Variants in UBLCP1 observed in about 807,000 individuals in gnomAD.
UBLCP1 encodes the protein ubiquitin-like domain-containing CTD phosphatase 1.
In UBLCP1, 28 loss-of-function variants were observed where a neutral mutation model predicts 42.4. The observed-to-expected ratio is 0.66, with a 90% CI of 0.49 to 0.90. UBLCP1 has a LOEUF of 0.90. Among genes scored for constraint, UBLCP1 ranks in the 40% least tolerant of loss-of-function variants. UBLCP1 has a pLI of 0.00. For synonymous variants in UBLCP1, 122 were observed against 120.8 expected, an observed-to-expected ratio of 1.01 and a Z score of -0.07; for missense variants, 279 against 374.5, an observed-to-expected ratio of 0.75 and a Z score of 2.10.
Position 159,268,906 on chromosome 5 carries a change from T to C in UBLCP1, c.-10T>C, listed in dbSNP as rs772103815. The C allele has an allele frequency of 1.2e-6, 2 of 1,602,276 alleles. No homozygotes were observed. The highest frequency in any genetic ancestry group is 3.5e-5 in the Admixed American group (2 of 56,852). On this transcript the variant is annotated 5_prime_UTR_variant, in exon 2 of 11. It removes an upstream start codon present in the reference 5' UTR. Transcript: ENST00000296786. ...TCTGAAGGAAAGCTGCTTCCTCATA[T>C]GTTTCAAGAATGGCTCTCCCTATCA...
chr5:159,267,329 C>T (rs1231444659), intron 1 of UBLCP1, among the ~76,000 whole-genome samples: 2 of 152,116 alleles, frequency 1.3e-5, no homozygotes, highest in African/African-American at 4.8e-5. Context: ...CTTGCATGGG[C>T]CCTGTAACCC....
intron 8 of UBLCP1, among the ~76,000 whole-genome samples, chr5:159,277,697 T>C (rs1317517156): frequency 6.6e-6 from 1 of 152,202 alleles, no homozygotes; most frequent in Non-Finnish European, 1.5e-5. Context: ...AATATGGTGC[T>C]TCCGAAGTTA....
rs747180125 is a variant in UBLCP1 at position 159,269,073 on chromosome 5, A to C, written c.154+4A>C. The stretch of plus-strand genomic sequence containing the variant: ...TTACTTGGACTCAAAGTTAAAGGTA[A>C]TTCTCTCCCCTCTTCAGATTTTTTG... On this transcript the variant is annotated splice_donor_region_variant and intron_variant, in intron 2 of 10. Coordinates refer to ENST00000296786, the MANE Select transcript of UBLCP1 (RefSeq NM_145049.5). 3 of 1,554,078 alleles carry C rather than the reference A, an allele frequency of 1.9e-6. No homozygotes were observed. Among genetic ancestry groups the C allele is most frequent in the Non-Finnish European group, 1.7e-6 (2 of 1,155,338 alleles).
intron 8 of UBLCP1, among the ~76,000 whole-genome samples, chr5:159,277,712 A>T (rs1753555528): frequency 6.6e-6 from 1 of 152,220 alleles, no homozygotes; most frequent in African/African-American, 2.4e-5. Context: ...AAGTTAAGCA[A>T]TCAAATTCCC....
At chr5:159,281,902 A>G (rs1347071839) in intron 9 of UBLCP1, among the ~76,000 whole-genome samples, 1 of 152,044 alleles carries the variant, frequency 6.6e-6, no homozygotes, top group African/African-American at 2.4e-5. Flanking sequence ...ATTTTCTCCA[A>G]ATCAAAAGAA....
intron 9 of UBLCP1, among the ~76,000 whole-genome samples, chr5:159,281,545 T>C (rs933775046): frequency 6.6e-6 from 1 of 152,160 alleles, no homozygotes; most frequent in African/African-American, 2.4e-5. Context: ...CTGAGGAGAC[T>C]CCCTTTGACA....
intron 9 of UBLCP1, among the ~76,000 whole-genome samples, chr5:159,280,915 G>A (rs1386367615): frequency 1.3e-5 from 2 of 152,148 alleles, no homozygotes; most frequent in Admixed American, 1.3e-4. Context: ...GGAGAATTCA[G>A]CTTATCTAGA....
At chr5:159,281,483 A>G (rs1048248006) in intron 9 of UBLCP1, among the ~76,000 whole-genome samples, 4 of 152,174 alleles carry the variant, frequency 2.6e-5, no homozygotes, top group Non-Finnish European at 5.9e-5. Flanking sequence ...GCTCGGAAAC[A>G]GCACTGCTGC....
intron 3 of UBLCP1, 150 bp downstream of exon 3, chr5:159,270,149 A>G (rs773067478): frequency 1.3e-5 from 10 of 764,600 alleles, no homozygotes; most frequent in African/African-American, 3.5e-5. Flanking sequence ...TATTAACTGT[A>G]TAAGTATAGT....
At chr5:159,278,930 T>G (rs1753572585) in intron 9 of UBLCP1, among the ~76,000 whole-genome samples, 1 of 152,196 alleles carries the variant, frequency 6.6e-6, no homozygotes, top group Non-Finnish European at 1.5e-5. Context: ...AACATTGACT[T>G]TTAGCATCCA....
intron 9 of UBLCP1, among the ~76,000 whole-genome samples, chr5:159,279,052 A>C (rs1377871721): frequency 6.6e-6 from 1 of 152,218 alleles, no homozygotes; most frequent in Admixed American, 6.5e-5. Context: ...TTAAACTGAA[A>C]CTAAAGACGT....
At chr5:159,271,375 C>T (rs917298681) in intron 5 of UBLCP1, among the ~76,000 whole-genome samples, 21 of 152,010 alleles carry the variant, frequency 1.4e-4, no homozygotes, top group African/African-American at 5.1e-4. Flanking sequence ...GTGGGAGGAT[C>T]ACTTGAGCCC....
At position 159,283,472 on chromosome 5, in the gene UBLCP1, C is replaced by A. The variant is rs958181409; in HGVS notation, c.929+133C>A. On this transcript the variant is annotated intron_variant, in intron 10 of 10. Coordinates refer to ENST00000296786, the MANE Select transcript of UBLCP1 (RefSeq NM_145049.5). ...AATAGGTGACTTCTAAAAACATTTT[C>A]TAATCCAGTGACCTACCCCCAAAAG... 3 of 739,984 alleles carry A rather than the reference C, an allele frequency of 4.1e-6. No homozygotes were observed. The South Asian group carries it at 6.9e-5, about 17-fold the overall frequency. The allele number at this position is 739,984 out of a possible 1,614,324, so 45.8% of individuals were successfully genotyped here.
chr5:159,274,533 A>G, intron 6 of UBLCP1, 52 bp from the exon 7 acceptor site: 1 of 1,511,046 alleles, frequency 6.6e-7, no homozygotes, highest in Non-Finnish European at 9.0e-7. Flanking sequence ...GATTTTTTTT[A>G]AAGAAATTCA....
intron 5 of UBLCP1, 88 bp from the exon 6 acceptor site, chr5:159,271,935 C>T (rs552136658): frequency 2.5e-5 from 22 of 876,620 alleles, no homozygotes; most frequent in South Asian, 3.5e-5. Context: ...GTTTGCATTT[C>T]GTAATATATT....
intron 1 of UBLCP1, 45 bp from the exon 2 acceptor site, chr5:159,268,825 A>G: frequency 4.3e-6 from 6 of 1,410,964 alleles, no homozygotes; most frequent in Non-Finnish European, 5.8e-6. Flanking sequence ...TGGCTTCAAT[A>G]AACAGTATCT....
chr5:159,277,614 G>A (rs1753554881), intron 8 of UBLCP1, among the ~76,000 whole-genome samples: 1 of 152,076 alleles, frequency 6.6e-6, no homozygotes, highest in Non-Finnish European at 1.5e-5. Context: ...ATACCAACAG[G>A]TAAGACTATA....
chr5:159,277,898 G>A (rs1377761355), intron 8 of UBLCP1, among the ~76,000 whole-genome samples: 1 of 152,076 alleles, frequency 6.6e-6, no homozygotes, highest in African/African-American at 2.4e-5. Context: ...GTTAACCAAG[G>A]AAGTCATGTG....
At chr5:159,274,792 A>G (rs1400423601) in intron 7 of UBLCP1, among the ~76,000 whole-genome samples, 170 bp downstream of exon 7, 1 of 152,198 alleles carries the variant, frequency 6.6e-6, no homozygotes, top group African/African-American at 2.4e-5. Flanking sequence ...AGTGGATTGT[A>G]CTGAATCCCT....
Sources: allele counts gnomAD v4.1 joint callset (sites outside exome capture counted in the v4.1 genomes callset), GRCh38; gene constraint gnomAD v4.1.1; transcripts MANE v1.5; gene names NCBI Gene and HGNC (gene_info 2026-07-23, HGNC 2026-07-21).